VPS13B: variants seen among roughly 807,000 people sequenced by gnomAD.
VPS13B encodes vacuolar protein sorting 13 homolog B.
VPS13B carries 285 observed loss-of-function variants against 426.4 expected under a neutral mutation model. The observed-to-expected ratio is 0.67, with a 90% CI of 0.61 to 0.74. The LOEUF (loss-of-function observed/expected upper bound fraction) is 0.74. Ranked by LOEUF, VPS13B falls within the 30% of genes least tolerant of loss-of-function variation. VPS13B has a pLI of 0.00. For synonymous variants in VPS13B, 1,676 were observed against 1,676.4 expected (o/e 1.00, Z 0.01); for missense variants, 4,537 against 4,782.6 (o/e 0.95, Z 1.51).
intron 43 of VPS13B, among the ~76,000 whole-genome samples, chr8:99,788,671 T>C (rs1415843493): frequency 1.3e-5 from 2 of 152,180 alleles, no homozygotes; most frequent in South Asian, 4.1e-4. Flanking sequence ...AAACTGTATT[T>C]ATGGGCAATA....
At chr8:99,278,346 C>T (rs916006910) in intron 19 of VPS13B, among the ~76,000 whole-genome samples, 5 of 152,054 alleles carry the variant, frequency 3.3e-5, no homozygotes, top group African/African-American at 1.2e-4. Flanking sequence ...AGGGAATGGA[C>T]AGCTTTATTA....
In VPS13B at chr8:99,102,983, T is replaced by C. The variant is rs774751503; in HGVS notation, c.443T>C (p.Val148Ala). 6.2e-7 allele frequency: 1 copy of C among 1,611,488 alleles called. No homozygotes were observed. The highest frequency in any genetic ancestry group is 1.1e-5 in the South Asian group (1 of 91,006). ...GYVQSLIRRV[V>A]NNVNIVINNL... The stretch of plus-strand genomic sequence containing the variant: ...GTGCAGAGTCTGATTAGACGAGTTG[T>C]AAATAATGTAAACATTGTGATAAAT... The change falls in exon 5 of 62, where the codon GTA becomes GCA. Residue 148 changes from valine (V) to alanine (A), a missense_variant. Physicochemically the swap from Val to Ala is moderately conservative, Grantham distance 64 (BLOSUM62 0). This residue lies in a region of VPS13B where 226 missense variants were observed against 308.3 expected (regional missense o/e 0.73). Transcript: ENST00000357162.
intron 54 of VPS13B, among the ~76,000 whole-genome samples, chr8:99,844,174 A>G (rs1815857081): frequency 6.6e-6 from 1 of 152,270 alleles, no homozygotes; most frequent in African/African-American, 2.4e-5. Flanking sequence ...TCAGGCTGCT[A>G]TATCAAAATA....
At chr8:99,087,597 T>C (rs1845899432) in intron 3 of VPS13B, among the ~76,000 whole-genome samples, 1 of 151,042 alleles carries the variant, frequency 6.6e-6, no homozygotes, top group Non-Finnish European at 1.5e-5. Flanking sequence ...CCATCTTGGC[T>C]CCACCCACTG....
rs144342630 is a variant in VPS13B at position 99,175,678 on chromosome 8, G to T, written c.2333+5515G>T. On this transcript the variant is annotated intron_variant, in intron 16 of 61. Transcript: ENST00000357162. ...AGGCTGAGGTGGGAGGATCACTTGC[G>T]CTCGGGAGATTGAGGCTGCAGTGAG... Among the ~76,000 whole-genome samples, 6 of 152,176 alleles carry T rather than the reference G, an allele frequency of 3.9e-5. No homozygotes were observed. The East Asian group carries it at 1.2e-3, about 29-fold the overall frequency.
chr8:99,461,244 G>A (rs1818817412), intron 23 of VPS13B, among the ~76,000 whole-genome samples: 1 of 151,870 alleles, frequency 6.6e-6, no homozygotes, highest in Admixed American at 6.6e-5. Flanking sequence ...GAAATGCAAT[G>A]CATTATGACC....
intron 29 of VPS13B, among the ~76,000 whole-genome samples, chr8:99,518,723 A>C (rs150927957): frequency 1.7e-4 from 26 of 152,186 alleles, no homozygotes; most frequent in Admixed American, 1.7e-3. Context: ...GAATTAGACC[A>C]TACCAAGTAT....
intron 19 of VPS13B, among the ~76,000 whole-genome samples, chr8:99,360,240 C>CCT (rs1563687380): frequency 0.011 from 858 of 76,832 alleles, 68 homozygotes; most frequent in African/African-American, 0.036. Context: ...CTTTCTCTCT[C>CCT]TCCTTCCTTC....
At chr8:99,424,185 T>A (rs1430139595) in intron 21 of VPS13B, 1 of 152,218 alleles carries the variant, frequency 6.6e-6, no homozygotes, top group East Asian at 1.9e-4. Flanking sequence ...TCTCTTTTGA[T>A]CTTTGTTGGT....
chr8:99,013,489 G>T (rs926824664), intron 1 of VPS13B, 142 bp downstream of exon 1: 1 of 410,830 alleles, frequency 2.4e-6, no homozygotes, highest in Admixed American at 3.7e-5. Context: ...TACTGCGGCC[G>T]AAGGGGAGCC....
At chr8:99,274,032 G>T (rs892442212) in intron 17 of VPS13B, among the ~76,000 whole-genome samples, 166 bp from the exon 18 acceptor site, 1 of 152,050 alleles carries the variant, frequency 6.6e-6, no homozygotes, top group African/African-American at 2.4e-5. Context: ...TTTTAAATTT[G>T]CATCCTTTCA....
chr8:99,647,211 G>A (rs1251332340), intron 34 of VPS13B, among the ~76,000 whole-genome samples: 2 of 151,946 alleles, frequency 1.3e-5, no homozygotes, highest in African/African-American at 4.8e-5. Flanking sequence ...TATTATATGT[G>A]CTCATGTTCC....
At chr8:99,377,938 G>A (rs756695467) in intron 19 of VPS13B, among the ~76,000 whole-genome samples, 58 of 152,172 alleles carry the variant, frequency 3.8e-4, no homozygotes, top group Non-Finnish European at 6.6e-4. Context: ...ATGAAATTCC[G>A]TGTCCCGCTG....
intron 25 of VPS13B, among the ~76,000 whole-genome samples, chr8:99,499,047 C>T (rs964368008): frequency 6.6e-6 from 1 of 152,080 alleles, no homozygotes; most frequent in African/African-American, 2.4e-5. Context: ...AAAGTGTTTG[C>T]TCTTCCAAAT....
chr8:99,033,371 A>C (rs1212883006), intron 2 of VPS13B, among the ~76,000 whole-genome samples: 1 of 152,142 alleles, frequency 6.6e-6, no homozygotes, highest in Non-Finnish European at 1.5e-5. Context: ...TTCTGCTCTC[A>C]ATATCTATAT....
At chr8:99,420,285 A>G (rs796172569) in intron 21 of VPS13B, among the ~76,000 whole-genome samples, 1 of 152,122 alleles carries the variant, frequency 6.6e-6, no homozygotes, top group Non-Finnish European at 1.5e-5. Context: ...AAGTGTCAGT[A>G]TTTGGTGCCA....
intron 33 of VPS13B, among the ~76,000 whole-genome samples, chr8:99,585,807 T>A (rs1279322609): frequency 6.6e-6 from 1 of 152,208 alleles, no homozygotes; most frequent in Non-Finnish European, 1.5e-5. Flanking sequence ...CTATTTAACA[T>A]TGTACTGGAA....
At chr8:99,393,025 T>G (rs1814526084) in intron 21 of VPS13B, among the ~76,000 whole-genome samples, 1 of 152,052 alleles carries the variant, frequency 6.6e-6, no homozygotes, top group South Asian at 2.1e-4. Flanking sequence ...TTAATTTACA[T>G]AAAGGTTTAT....
In VPS13B at chr8:99,766,985, GAT is replaced by G; in HGVS notation, c.7247+16_7247+17del. The G allele has an allele frequency of 6.2e-7, 1 of 1,611,772 alleles. No individual in the cohort carries two copies. On this transcript the variant is annotated intron_variant, in intron 40 of 61. Transcript: ENST00000357162. ...GATGACCAAAGGTAATTCATTGAAAGATGATATGGTAGCATTACACTGGGAAA... is the reference window on the plus strand; with the variant it reads ...GATGACCAAAGGTAATTCATTGAAAGGATATGGTAGCATTACACTGGGAAA...
Sources: allele counts gnomAD v4.1 joint callset (sites outside exome capture counted in the v4.1 genomes callset), GRCh38; gene constraint gnomAD v4.1.1; regional missense constraint gnomAD v4.1.1; transcripts MANE v1.5; gene names NCBI Gene and HGNC (gene_info 2026-07-23, HGNC 2026-07-21).